The following NFAT5 variants were observed in gnomAD, a reference collection of about 807,000 sequenced individuals.
The protein encoded by NFAT5 is nuclear factor of activated T-cells 5.
Under a neutral mutation model 166.5 loss-of-function variants are expected in NFAT5, and 31 were observed. The observed-to-expected ratio is 0.19, with a 90% CI of 0.14 to 0.25. NFAT5 has a LOEUF of 0.25. NFAT5 is among the 10% of genes least tolerant of loss of function. NFAT5 has a pLI of 1.00. For missense variants in NFAT5, 1,449 were observed against 1,821.8 expected (o/e 0.80, Z 3.72); for synonymous variants, 612 against 639.7 (o/e 0.96, Z 0.65).
chr16:69,676,841 T>C (rs2036850859), intron 9 of NFAT5: 1 of 170,874 alleles, frequency 5.9e-6, no homozygotes, highest in Admixed American at 6.4e-5. Context: ...GGTGAAGGAA[T>C]AATATTGCAA....
At chr16:69,684,173 C>G (rs1351068122) in intron 10 of NFAT5, among the ~76,000 whole-genome samples, 1 of 149,132 alleles carries the variant, frequency 6.7e-6, no homozygotes, top group Non-Finnish European at 1.5e-5. Flanking sequence ...GCAGGAGAAT[C>G]ACTTGAACCT....
chr16:69,698,757 GTTGTTA>G lies in NFAT5; in HGVS notation c.*2415_*2420del, dbSNP rs1348306521. On this transcript the variant is annotated 3_prime_UTR_variant, in exon 15 of 15. Coordinates refer to ENST00000349945, the MANE Select transcript of NFAT5 (RefSeq NM_138713.4). ...ACTATATATTTAATATTTTATTATT[GTTGTTA>G]TTGTTATTATTAATTGGCTTTCTGT... 1 of 152,444 alleles carries G rather than the reference GTTGTTA, an allele frequency of 6.6e-6. No individual in the cohort carries two copies. Among genetic ancestry groups the G allele is most frequent in the Non-Finnish European group, 1.5e-5 (1 of 67,984 alleles). The allele number at this position is 152,444 out of a possible 1,614,324, so 9.4% of individuals were successfully genotyped here.
intron 2 of NFAT5, among the ~76,000 whole-genome samples, chr16:69,612,738 G>C (rs926120569): frequency 6.6e-6 from 1 of 151,834 alleles, no homozygotes; most frequent in Non-Finnish European, 1.5e-5. Flanking sequence ...GCTAGGCATA[G>C]TGGCACACAC....
intron 4 of NFAT5, among the ~76,000 whole-genome samples, chr16:69,652,049 A>G (rs1411505443): frequency 6.6e-6 from 1 of 152,222 alleles, no homozygotes; most frequent in African/African-American, 2.4e-5. Flanking sequence ...TATTTTACAG[A>G]TTAAATGTGT....
At chr16:69,676,592 G>A (rs376066306) in intron 9 of NFAT5, among the ~76,000 whole-genome samples, 1 of 152,276 alleles carries the variant, frequency 6.6e-6, no homozygotes, top group African/African-American at 2.4e-5. Flanking sequence ...GAGACAGAGT[G>A]AAGAACAAAA....
At chr16:69,618,088 G>T (rs2034037200) in intron 2 of NFAT5, among the ~76,000 whole-genome samples, 2 of 151,432 alleles carry the variant, frequency 1.3e-5, no homozygotes, top group Admixed American at 6.6e-5. Context: ...GACCGGGGAG[G>T]TGGAGGTTGC....
intron 10 of NFAT5, among the ~76,000 whole-genome samples, chr16:69,680,375 T>A (rs2037008408): frequency 6.6e-6 from 1 of 152,234 alleles, no homozygotes; most frequent in Admixed American, 6.5e-5. Context: ...CTTGTTTCTT[T>A]GTTTTTATTG....
chr16:69,650,943 T>C (rs992829729), intron 4 of NFAT5, among the ~76,000 whole-genome samples: 4 of 152,240 alleles, frequency 2.6e-5, no homozygotes, highest in African/African-American at 9.6e-5. Flanking sequence ...TTTGAATCTG[T>C]ACCCAGAATG....
rs758847672 is a variant in NFAT5 at position 69,647,131 on chromosome 16, G to A, written c.357G>A (p.Lys119=). The A allele has an allele frequency of 6.2e-7, 1 of 1,614,080 alleles. No homozygotes were observed. Among genetic ancestry groups the A allele is most frequent in the South Asian group, 1.1e-5 (1 of 91,070 alleles). Residue 119 remains lysine, a synonymous_variant, in exon 4 of 15, where the codon AAG becomes AAA. Transcript: ENST00000349945. The surrounding 1 kb of genome is among the most constrained non-coding windows in gnomAD (Gnocchi z 4.8). ...ATTCTACCTCAGTCACCGACAGCAA[G>A]GCTATGCAAGTGGAGAGCTGCTCCT... The part of the protein sequence containing the change: ...TIYSTSVTDS[K]AMQVESCSSA...
intron 3 of NFAT5, among the ~76,000 whole-genome samples, chr16:69,642,822 AAAG>A (rs1567567434): frequency 7.3e-6 from 1 of 137,808 alleles, no homozygotes; most frequent in South Asian, 2.1e-4. Context: ...GTCTCAAAAA[AAAG>A]AAAAGAAAAG....
chr16:69,602,937 A>G (rs1219254548), intron 2 of NFAT5, among the ~76,000 whole-genome samples: 1 of 151,960 alleles, frequency 6.6e-6, no homozygotes, highest in Non-Finnish European at 1.5e-5. Context: ...TAACCTTCAT[A>G]AATGAAATCC....
chr16:69,609,258 T>C (rs74622759), intron 2 of NFAT5, among the ~76,000 whole-genome samples: 216 of 152,334 alleles, frequency 1.4e-3, no homozygotes, highest in African/African-American at 5.0e-3. Flanking sequence ...GCCAATCCAT[T>C]TTCATTCCAG....
chr16:69,625,059 C>A (rs1375808601), intron 2 of NFAT5, among the ~76,000 whole-genome samples: 2 of 151,928 alleles, frequency 1.3e-5, no homozygotes, highest in African/African-American at 4.8e-5. Context: ...GTCACCATGC[C>A]CAGCTAATTT....
rs185912101 is a variant in NFAT5, at chr16:69,682,259, T to G, written c.1691-2628T>G. Among the ~76,000 whole-genome samples the G allele has an allele frequency of 2.6e-5, 4 of 151,738 alleles. No homozygotes were observed. The East Asian group carries it at 5.8e-4, about 22-fold the overall frequency. ...ATTATTTGCTGTAACTCCACAGTGG[T>G]GATTTCTATAAGAAATGGGAATGTA... On this transcript the variant is annotated intron_variant, in intron 10 of 14. Coordinates refer to ENST00000349945, the MANE Select transcript of NFAT5 (RefSeq NM_138713.4).
intron 4 of NFAT5, among the ~76,000 whole-genome samples, chr16:69,652,998 T>C (rs1437618920): frequency 6.6e-6 from 1 of 152,194 alleles, no homozygotes; most frequent in Non-Finnish European, 1.5e-5. Context: ...TCATTTTCTT[T>C]TCTGTCAAAC....
At chr16:69,688,120 C>A (rs1373404279) in intron 11 of NFAT5, among the ~76,000 whole-genome samples, 1 of 146,844 alleles carries the variant, frequency 6.8e-6, no homozygotes, top group Non-Finnish European at 1.5e-5. Context: ...GGCGTGAACC[C>A]GGGAAGCGGA....
chr16:69,611,524 A>G (rs891942593), intron 2 of NFAT5, among the ~76,000 whole-genome samples: 1 of 152,224 alleles, frequency 6.6e-6, no homozygotes, highest in African/African-American at 2.4e-5. Flanking sequence ...TAATTTATAA[A>G]CAATAGAAAT....
At chr16:69,596,929 A>G (rs2032829454) in intron 2 of NFAT5, among the ~76,000 whole-genome samples, 2 of 152,282 alleles carry the variant, frequency 1.3e-5, no homozygotes, top group Admixed American at 1.3e-4. Flanking sequence ...AAGGGAAAGT[A>G]TAGTTTGATG....
chr16:69,590,568 A>G (rs1487687661), intron 2 of NFAT5, among the ~76,000 whole-genome samples: 1 of 152,238 alleles, frequency 6.6e-6, no homozygotes, highest in African/African-American at 2.4e-5. Context: ...TAAGGAGAAA[A>G]TTAATTCTAA....
Sources: gnomAD v4.1 joint callset for allele counts (sites outside exome capture counted in the v4.1 genomes callset) on GRCh38, gnomAD v4.1.1 for gene constraint, Gnocchi (gnomAD v3.1) non-coding constraint, MANE v1.5 for transcripts, NCBI Gene and HGNC (gene_info 2026-07-23, HGNC 2026-07-21) for gene names.